The following PDZD8 variants were observed in gnomAD, a reference collection of about 807,000 sequenced individuals.
The protein encoded by PDZD8 is PDZ domain-containing protein 8.
A neutral mutation model predicts 85.8 loss-of-function variants in PDZD8; 14 were observed. The ratio of observed to expected loss-of-function variants is 0.16; its 90% confidence interval spans 0.11 to 0.26. The LOEUF is 0.26. Ranked by LOEUF, PDZD8 falls within the 10% of genes least tolerant of loss-of-function variation. PDZD8 has a pLI of 1.00. For missense variants in PDZD8, 1,197 were observed against 1,424.3 expected (o/e 0.84, Z 2.57); for synonymous variants, 592 against 568.6 (o/e 1.04, Z -0.59).
intron 1 of PDZD8, among the ~76,000 whole-genome samples, chr10:117,347,792 T>C (rs1023149574): frequency 2.7e-5 from 4 of 150,402 alleles, no homozygotes; most frequent in South Asian, 2.1e-4. Flanking sequence ...GACAAGGGAG[T>C]AGAAAAAAAT....
At chr10:117,291,137 G>C (rs1188857569) in intron 3 of PDZD8, among the ~76,000 whole-genome samples, 1 of 151,718 alleles carries the variant, frequency 6.6e-6, no homozygotes, top group Non-Finnish European at 1.5e-5. Flanking sequence ...GCCTCCCAAA[G>C]TGCTAGGATT....
chr10:117,308,929 A>G (rs1222488658), intron 3 of PDZD8, among the ~76,000 whole-genome samples: 1 of 152,144 alleles, frequency 6.6e-6, no homozygotes, highest in Non-Finnish European at 1.5e-5. Context: ...CTACCACTGG[A>G]CTGAATATAT....
intron 1 of PDZD8, among the ~76,000 whole-genome samples, chr10:117,355,707 C>T (rs1398356950): frequency 6.6e-6 from 1 of 152,138 alleles, no homozygotes; most frequent in African/African-American, 2.4e-5. Context: ...AGTACCATGC[C>T]AGCAAACACT....
intron 3 of PDZD8, among the ~76,000 whole-genome samples, chr10:117,301,885 C>A (rs575394317): frequency 2.0e-5 from 3 of 152,216 alleles, no homozygotes; most frequent in Non-Finnish European, 4.4e-5. Flanking sequence ...CTCTCCCTCC[C>A]CCGGACAGCC....
At chr10:117,369,996 A>G (rs1845161615) in intron 1 of PDZD8, among the ~76,000 whole-genome samples, 1 of 152,202 alleles carries the variant, frequency 6.6e-6, no homozygotes, top group African/African-American at 2.4e-5. Flanking sequence ...CTCCCCACCC[A>G]GACACTATTA....
At chr10:117,328,525 C>T (rs572009145) in intron 2 of PDZD8, among the ~76,000 whole-genome samples, 1 of 152,246 alleles carries the variant, frequency 6.6e-6, no homozygotes, top group East Asian at 1.9e-4. Flanking sequence ...AATCCTCTCA[C>T]CTCAGCCTCT....
At chr10:117,331,105 C>T (rs1200158045) in intron 2 of PDZD8, among the ~76,000 whole-genome samples, 4 of 152,172 alleles carry the variant, frequency 2.6e-5, no homozygotes, top group Admixed American at 2.6e-4. Flanking sequence ...TTAGCCCTAA[C>T]TACATTTTAA....
At chr10:117,285,732 GTGCCAGGA>G in intron 4 of PDZD8, 1 of 1,144,628 alleles carries the variant, frequency 8.7e-7, no homozygotes. Context: ...CCCAAAAAGA[GTGCCAGGA>G]TGCTAACTCC....
chr10:117,312,992 G>A (rs953428837), intron 3 of PDZD8, among the ~76,000 whole-genome samples: 7 of 152,146 alleles, frequency 4.6e-5, no homozygotes, highest in Non-Finnish European at 8.8e-5. Context: ...GAAGCACAGT[G>A]ACATACTGAC....
At chr10:117,323,482 T>G (rs1313830019) in intron 2 of PDZD8, among the ~76,000 whole-genome samples, 1 of 152,138 alleles carries the variant, frequency 6.6e-6, no homozygotes, top group Non-Finnish European at 1.5e-5. Flanking sequence ...AATTCCAAAA[T>G]GATCCCCCAG....
chr10:117,346,074 C>A (rs1251066284), intron 1 of PDZD8, among the ~76,000 whole-genome samples: 1 of 151,822 alleles, frequency 6.6e-6, no homozygotes, highest in Non-Finnish European at 1.5e-5. Flanking sequence ...AATCCCGTCT[C>A]TACTAAAAAT....
At chr10:117,355,023 C>G (rs1038676882) in intron 1 of PDZD8, among the ~76,000 whole-genome samples, 1 of 152,110 alleles carries the variant, frequency 6.6e-6, no homozygotes, top group African/African-American at 2.4e-5. Flanking sequence ...AGAAAGAAAA[C>G]AAAGTACAAT....
chr10:117,355,153 C>G (rs1365278578), intron 1 of PDZD8, among the ~76,000 whole-genome samples: 4 of 152,166 alleles, frequency 2.6e-5, no homozygotes, highest in Non-Finnish European at 5.9e-5. Flanking sequence ...CAAGGCTCCT[C>G]TATATTCACC....
intron 1 of PDZD8, among the ~76,000 whole-genome samples, chr10:117,355,403 C>T (rs1183977137): frequency 6.6e-6 from 1 of 152,168 alleles, no homozygotes; most frequent in Non-Finnish European, 1.5e-5. Flanking sequence ...GTATCTGTCT[C>T]CATCTTTCTA....
Position 117,283,634 on chromosome 10 carries a change from G to A in PDZD8, c.3099C>T (p.Ile1033=), listed in dbSNP as rs748664796. Residue 1033 remains isoleucine, a synonymous_variant, in exon 5 of 5, where the codon ATC becomes ATT. Coordinates refer to ENST00000334464, the MANE Select transcript of PDZD8 (RefSeq NM_173791.5). The part of the protein sequence containing the change: ...LYRGLPTEER[I]QKLEFMLDKL... ...TATCCAACATGAACTCTAGTTTCTG[G>A]ATCCTTTCCTCTGTAGGCAAGCCCC... The A allele has an allele frequency of 6.2e-7, 1 of 1,614,080 alleles. No individual in the cohort carries two copies. Among genetic ancestry groups the A allele is most frequent in the East Asian group, 2.2e-5 (1 of 44,884 alleles).
chr10:117,325,559 T>C (rs1211307752), intron 2 of PDZD8, among the ~76,000 whole-genome samples: 4 of 151,942 alleles, frequency 2.6e-5, no homozygotes, highest in Admixed American at 6.6e-5. Context: ...CGTGCCACCA[T>C]GCCTGGCTAA....
intron 3 of PDZD8, among the ~76,000 whole-genome samples, chr10:117,302,904 C>G (rs1843871212): frequency 6.6e-6 from 1 of 152,342 alleles, no homozygotes; most frequent in East Asian, 1.9e-4. Flanking sequence ...GCCTCCCCAG[C>G]CATGTGGAAC....
At chr10:117,291,206 G>A (rs575692535) in intron 3 of PDZD8, among the ~76,000 whole-genome samples, 1 of 146,000 alleles carries the variant, frequency 6.8e-6, no homozygotes, top group East Asian at 2.1e-4. Context: ...TTTGGGAATA[G>A]GCAAAGGAAA....
intron 3 of PDZD8, among the ~76,000 whole-genome samples, chr10:117,303,087 G>A (rs935434532): frequency 1.3e-5 from 2 of 152,184 alleles, no homozygotes; most frequent in Admixed American, 6.5e-5. Flanking sequence ...AAGGCAGAGA[G>A]GTTGGAACAG....
Sources: allele counts gnomAD v4.1 joint callset (sites outside exome capture counted in the v4.1 genomes callset), GRCh38; gene constraint gnomAD v4.1.1; transcripts MANE v1.5; gene names NCBI Gene and HGNC (gene_info 2026-07-23, HGNC 2026-07-21).